Variants in CD38 observed in about 807,000 individuals in gnomAD.
CD38 encodes the protein ADP-ribosyl cyclase/cyclic ADP-ribose hydrolase 1.
In CD38, 31 loss-of-function variants were observed where a neutral mutation model predicts 36.3. The observed-to-expected ratio is 0.85, with a 90% CI of 0.64 to 1.15. The LOEUF is 1.15. CD38 is among the 50% of genes most tolerant of loss of function. The probability of loss-of-function intolerance (pLI) is 0.00; values close to 1 mark genes in which losing one functional copy is unlikely to be tolerated. For synonymous variants in CD38, 131 were observed against 135.2 expected, an observed-to-expected ratio of 0.97 and a Z score of 0.22; for missense variants, 380 against 371.9, an observed-to-expected ratio of 1.02 and a Z score of -0.18.
chr4:15,838,039 G>A, intron 4 of CD38, 53 bp from the exon 5 acceptor site: 1 of 1,384,592 alleles, frequency 7.2e-7, no homozygotes, highest in Non-Finnish European at 1.0e-6. Flanking sequence ...TGAAACTGCT[G>A]GAGGATGGTG....
chr4:15,790,530 C>T (rs1241982166), intron 1 of CD38, among the ~76,000 whole-genome samples: 3 of 152,098 alleles, frequency 2.0e-5, no homozygotes, highest in African/African-American at 7.2e-5. Context: ...TCGCTACAAC[C>T]TCCACCTCCC....
At chr4:15,822,490 A>G (rs777326983) in intron 2 of CD38, among the ~76,000 whole-genome samples, 8 of 152,230 alleles carry the variant, frequency 5.3e-5, no homozygotes, top group Middle Eastern at 3.2e-3. Context: ...CAACTTCAGC[A>G]AAGTCTCAGG....
At chr4:15,781,898 T>C (rs1470164890) in intron 1 of CD38, among the ~76,000 whole-genome samples, 4 of 152,170 alleles carry the variant, frequency 2.6e-5, no homozygotes, top group Non-Finnish European at 5.9e-5. Context: ...AAAACAACAA[T>C]CATTTATTGT....
In CD38 at chr4:15,778,398, AC is replaced by A; in HGVS notation, c.-13del. The A allele has an allele frequency of 6.3e-7, 1 of 1,595,306 alleles. No homozygotes were observed. Among genetic ancestry groups the A allele is most frequent in the Non-Finnish European group, 8.6e-7 (1 of 1,164,138 alleles). On this transcript the variant is annotated 5_prime_UTR_variant, in exon 1 of 8. Transcript: ENST00000226279. The surrounding 1 kb of genome is among the most constrained non-coding windows in gnomAD (Gnocchi z 4.9). ...TGCCGGCCTCATCTTCGCCCAGCCA[AC>A]CCCGCCTGGAGCCCTATGGCCAACT... is the stretch of plus-strand genomic sequence containing the variant.
At chr4:15,836,211 AT>A in intron 4 of CD38, among the ~76,000 whole-genome samples, 1 of 152,276 alleles carries the variant, frequency 6.6e-6, no homozygotes, top group Non-Finnish European at 1.5e-5. Context: ...GAAATCCAGG[AT>A]TAAGGTGCCA....
intron 1 of CD38, among the ~76,000 whole-genome samples, chr4:15,802,495 T>TATTTG (rs1320415888): frequency 7.4e-5 from 3 of 40,472 alleles, no homozygotes; most frequent in Non-Finnish European, 8.5e-5. Context: ...TTGTTTGTTT[T>TATTTG]ATTTTATTTT....
chr4:15,792,422 A>T (rs1723020109), intron 1 of CD38, among the ~76,000 whole-genome samples: 1 of 145,780 alleles, frequency 6.9e-6, no homozygotes, highest in Admixed American at 6.7e-5. Context: ...AATGATCAAT[A>T]AAAATAAAAT....
At chr4:15,785,442 T>C (rs1432392411) in intron 1 of CD38, among the ~76,000 whole-genome samples, 1 of 152,172 alleles carries the variant, frequency 6.6e-6, no homozygotes, top group Non-Finnish European at 1.5e-5. Flanking sequence ...GCAAGGTCAG[T>C]GGAACCCACT....
At chr4:15,791,817 C>G (rs1183375292) in intron 1 of CD38, among the ~76,000 whole-genome samples, 1 of 90,908 alleles carries the variant, frequency 1.1e-5, no homozygotes, top group East Asian at 2.6e-4. Flanking sequence ...GTCAGCCCCC[C>G]GCCCGGCCAG....
At chr4:15,799,232 A>G (rs899990561) in intron 1 of CD38, among the ~76,000 whole-genome samples, 17 of 152,168 alleles carry the variant, frequency 1.1e-4, no homozygotes, top group Non-Finnish European at 2.2e-4. Context: ...CCAGATGGAT[A>G]GTCAGTTGTG....
intron 3 of CD38, among the ~76,000 whole-genome samples, chr4:15,832,034 G>A (rs1274836614): frequency 6.6e-6 from 1 of 151,636 alleles, no homozygotes; most frequent in Admixed American, 6.6e-5. Flanking sequence ...CTGTCTTCAA[G>A]CTCACAAATT....
intron 1 of CD38, among the ~76,000 whole-genome samples, chr4:15,792,458 G>GAAAAAAAAAAAAAAAAAAAAAAAAAA (rs1249314137): frequency 7.7e-6 from 1 of 129,196 alleles, no homozygotes; most frequent in African/African-American, 3.2e-5. Context: ...AATGAATCAA[G>GAAAAAAAAAAAAAAAAAAAAAAAAAA]AAAAAAAAAG....
intron 1 of CD38, among the ~76,000 whole-genome samples, chr4:15,792,953 C>T (rs891322445): frequency 1.3e-5 from 2 of 152,162 alleles, no homozygotes; most frequent in Non-Finnish European, 2.9e-5. Context: ...TTCCCTCCCC[C>T]ATTTAAGAGT....
chr4:15,836,317 C>A (rs946407141), intron 4 of CD38, among the ~76,000 whole-genome samples: 4 of 152,128 alleles, frequency 2.6e-5, no homozygotes, highest in East Asian at 1.9e-4. Flanking sequence ...GCTAAAGGAA[C>A]CTAGCTAGTT....
intron 1 of CD38, among the ~76,000 whole-genome samples, chr4:15,815,840 C>T (rs1723583576): frequency 6.6e-6 from 1 of 152,138 alleles, no homozygotes; most frequent in African/African-American, 2.4e-5. Flanking sequence ...TTGTCTCGTG[C>T]CACTTTTCGA....
At chr4:15,789,682 T>TA (rs1376875941) in intron 1 of CD38, among the ~76,000 whole-genome samples, 2 of 152,078 alleles carry the variant, frequency 1.3e-5, no homozygotes, top group Non-Finnish European at 2.9e-5. Flanking sequence ...GATTACTGAT[T>TA]AATACGCTAA....
chr4:15,814,701 C>T (rs1309176542), intron 1 of CD38, among the ~76,000 whole-genome samples: 1 of 152,054 alleles, frequency 6.6e-6, no homozygotes, highest in Non-Finnish European at 1.5e-5. Context: ...ATAGGTAATC[C>T]TTTCTCCATT....
intron 1 of CD38, among the ~76,000 whole-genome samples, chr4:15,783,697 C>T (rs1385143317): frequency 6.6e-6 from 1 of 152,206 alleles, no homozygotes. Flanking sequence ...TCTTACCTTA[C>T]GTTCTAATGA....
intron 3 of CD38, among the ~76,000 whole-genome samples, chr4:15,831,830 C>G (rs1356146733): frequency 6.6e-6 from 1 of 152,144 alleles, no homozygotes; most frequent in Non-Finnish European, 1.5e-5. Flanking sequence ...ATATCTTTCT[C>G]TAGGTTTGCA....
Sources: allele counts gnomAD v4.1 joint callset (sites outside exome capture counted in the v4.1 genomes callset), GRCh38; gene constraint gnomAD v4.1.1; non-coding constraint Gnocchi (gnomAD v3.1); transcripts MANE v1.5; gene names NCBI Gene and HGNC (gene_info 2026-07-23, HGNC 2026-07-21).